The following TPRA1 variants were observed in gnomAD, a reference collection of about 807,000 sequenced individuals.
TPRA1 encodes transmembrane protein adipocyte-associated 1.
Under a neutral mutation model 40.1 loss-of-function variants are expected in TPRA1, and 28 were observed. The ratio of observed to expected loss-of-function variants is 0.70; its 90% CI spans 0.52 to 0.96. TPRA1 has a LOEUF of 0.96. Ranked by LOEUF, TPRA1 falls within the 40% of genes least tolerant of loss-of-function variation. The pLI is 0.00. For missense variants in TPRA1, 441 were observed against 482.6 expected, an observed-to-expected ratio of 0.91 and a Z score of 0.81; for synonymous variants, 219 against 209.7, an observed-to-expected ratio of 1.04 and a Z score of -0.38.
rs867981987 is a variant in TPRA1, at chr3:127,583,796, G to T, written c.-17-3633C>A. Among the ~76,000 whole-genome samples, 16 of 151,422 alleles carry T rather than the reference G, an allele frequency of 1.1e-4. No individual in the cohort carries two copies. The Middle Eastern group carries it at 0.014, about 130-fold the overall frequency. Reference sequence around the variant, plus strand: ...AGCGATTCCCCTGCCTCAGCCTCCCGAGTAGCTGGGGCTACAGGCACGTGC... The same window carrying T: ...AGCGATTCCCCTGCCTCAGCCTCCCTAGTAGCTGGGGCTACAGGCACGTGC... On this transcript the variant is annotated intron_variant, in intron 1 of 10. Transcript: ENST00000355552.
rs2073448289 is a variant in TPRA1, at chr3:127,573,559, TG to T, written c.1083del (p.Asn361LysfsTer147). On this transcript the variant is annotated frameshift_variant, in exon 11 of 11. Transcript: ENST00000355552. LOFTEE classifies it high-confidence loss of function. The part of the protein sequence containing the change: ...ASMPCHTGSI[N>X]STDSERWKAI... ...GCCTTCCAGCGCTCGCTGTCTGTGC[TG>T]TTGATGCTGCCAGTGTGGCAGGGCA... 3.1e-6 allele frequency: 5 copies of T among 1,613,038 alleles called. No individual in the cohort carries two copies. The highest frequency in any genetic ancestry group is 3.3e-5 in the Admixed American group (2 of 60,008).
chr3:127,587,375 C>T (rs905534813), intron 1 of TPRA1, among the ~76,000 whole-genome samples: 2 of 152,136 alleles, frequency 1.3e-5, no homozygotes. Flanking sequence ...CAGTCCTACC[C>T]GCTTGGACTT....
intron 1 of TPRA1, chr3:127,588,189 T>C (rs76421202): frequency 0.047 from 7,232 of 152,368 alleles, 249 homozygotes; most frequent in Non-Finnish European, 0.073. Context: ...AGGCTTGTTC[T>C]AGAGCTATCT....
intron 9 of TPRA1, 31 bp from the exon 10 acceptor site, chr3:127,575,296 C>A (rs1228704934): frequency 6.2e-7 from 1 of 1,607,278 alleles, no homozygotes; most frequent in Non-Finnish European, 8.5e-7. Context: ...CGCGGGGCCT[C>A]CTAGCCCCAT....
intron 1 of TPRA1, among the ~76,000 whole-genome samples, chr3:127,582,171 G>A (rs1006486966): frequency 6.6e-6 from 1 of 152,156 alleles, no homozygotes; most frequent in Non-Finnish European, 1.5e-5. Flanking sequence ...GAACACCTCT[G>A]GATGAAAGGG....
intron 3 of TPRA1, among the ~76,000 whole-genome samples, chr3:127,578,552 C>T (rs1409410008): frequency 2.0e-5 from 3 of 152,236 alleles, no homozygotes; most frequent in African/African-American, 7.2e-5. Flanking sequence ...CCCCTTACCC[C>T]ACAAAAGGAC....
In TPRA1 at chr3:127,575,502, C is replaced by A; in HGVS notation, c.674G>T (p.Arg225Leu). The A allele has an allele frequency of 1.9e-6, 3 of 1,568,344 alleles. No individual in the cohort carries two copies. Among genetic ancestry groups the A allele is most frequent in the Non-Finnish European group, 2.6e-6 (3 of 1,158,558 alleles). ...GCCCGCATACACGTAGAAGCTCCTCCGAGCTGGGGGCCGGACAGGGTGGGT... is the reference window on the plus strand; with the variant it reads ...GCCCGCATACACGTAGAAGCTCCTCAGAGCTGGGGGCCGGACAGGGTGGGT... ...PLKERISLPS[R>L]RSFYVYAGIL... The change falls in exon 9 of 11, where the codon CGG becomes CTG. Residue 225 changes from arginine to leucine, a missense_variant. By Grantham distance (102) the Arg-to-Leu change is moderately radical (BLOSUM62 -2). Coordinates refer to ENST00000355552, the MANE Select transcript of TPRA1 (RefSeq NM_001136053.4).
intron 3 of TPRA1, 43 bp from the exon 4 acceptor site, chr3:127,577,119 C>G: frequency 6.2e-7 from 1 of 1,602,234 alleles, no homozygotes; most frequent in African/African-American, 1.3e-5. Flanking sequence ...GAACAAGAGC[C>G]TCTGCATCGG....
rs534181826 is a variant in TPRA1 at position 127,597,031 on chromosome 3, G to A, written c.-391+976C>T. On this transcript the variant is annotated intron_variant, in intron 1 of 3. Coordinates refer to the TPRA1 transcript ENST00000462228. ...CTCGGGAGGCTAAGGCACGAGAATC[G>A]CTTGAACTTGGGAGGTGGAGGTTGC... Among the ~76,000 whole-genome samples, 8 of 152,102 alleles carry A rather than the reference G, an allele frequency of 5.3e-5. No homozygotes were observed. In the South Asian group the frequency reaches 8.3e-4, roughly 16 times the overall value.
upstream of TPRA1, among the ~76,000 whole-genome samples, chr3:127,594,646 G>A (rs1178500226): frequency 1.3e-5 from 2 of 152,220 alleles, no homozygotes; most frequent in Non-Finnish European, 2.9e-5. Context: ...CACTGAGACT[G>A]TAAGCAATCC....
intron 1 of TPRA1, chr3:127,595,744 T>C (rs2074234358): frequency 6.6e-6 from 1 of 152,154 alleles, no homozygotes; most frequent in African/African-American, 2.4e-5. Context: ...ATGGCATCTG[T>C]CTTGTATGGC....
intron 1 of TPRA1, among the ~76,000 whole-genome samples, chr3:127,590,075 G>A (rs1331535376): frequency 2.0e-5 from 3 of 152,174 alleles, no homozygotes; most frequent in Admixed American, 6.5e-5. Context: ...AGCCCGTGCC[G>A]CCACCCCGCG....
At chr3:127,585,793 T>C (rs1457446026) in intron 1 of TPRA1, among the ~76,000 whole-genome samples, 1 of 152,098 alleles carries the variant, frequency 6.6e-6, no homozygotes. Context: ...AAACCTAGTG[T>C]TCAAGCAGGG....
Position 127,576,591 on chromosome 3 carries a change from T to C in TPRA1, c.498+26A>G. On this transcript the variant is annotated intron_variant, in intron 6 of 10. Coordinates refer to ENST00000355552, the MANE Select transcript of TPRA1 (RefSeq NM_001136053.4). The surrounding 1 kb of genome is among the most constrained non-coding windows in gnomAD (Gnocchi z 4.6). ...GTGCCTGGTGCCCTGACTCCTAGCG[T>C]CCCCTGCCCACACTCACCCTCTTAC... The C allele has an allele frequency of 6.4e-7, 1 of 1,560,044 alleles. No individual in the cohort carries two copies. Among genetic ancestry groups the C allele is most frequent in the Non-Finnish European group, 8.7e-7 (1 of 1,148,968 alleles).
chr3:127,573,864 G>C, intron 10 of TPRA1, 76 bp from the exon 11 acceptor site: 1 of 1,485,942 alleles, frequency 6.7e-7, no homozygotes, highest in Non-Finnish European at 9.0e-7. Flanking sequence ...GGCTGATGGG[G>C]CCACCAGATA....
intron 1 of TPRA1, among the ~76,000 whole-genome samples, chr3:127,581,426 G>GT (rs1444772997): frequency 6.6e-6 from 1 of 152,196 alleles, no homozygotes; most frequent in Non-Finnish European, 1.5e-5. Context: ...GCCGACAGGC[G>GT]TATGATCCGT....
intron 1 of TPRA1, among the ~76,000 whole-genome samples, chr3:127,589,192 G>T: frequency 6.9e-6 from 1 of 145,278 alleles, no homozygotes; most frequent in East Asian, 2.3e-4. Flanking sequence ...GGGACAGGAT[G>T]CTGGCTAGGC....
chr3:127,595,463 C>T (rs1384620824), upstream of TPRA1: 1 of 152,402 alleles, frequency 6.6e-6, no homozygotes, highest in Admixed American at 6.5e-5. Context: ...TGTCAACACA[C>T]TTCAATGTAG....
chr3:127,586,023 G>A (rs987798912), intron 1 of TPRA1, among the ~76,000 whole-genome samples: 3 of 152,200 alleles, frequency 2.0e-5, no homozygotes, highest in African/African-American at 7.2e-5. Context: ...CAGCTAGCAT[G>A]CCCTGCAGAG....
Sources: gnomAD v4.1 joint callset for allele counts (sites outside exome capture counted in the v4.1 genomes callset) on GRCh38, gnomAD v4.1.1 for gene constraint, Gnocchi (gnomAD v3.1) non-coding constraint, MANE v1.5 for transcripts, NCBI Gene and HGNC (gene_info 2026-07-23, HGNC 2026-07-21) for gene names.